Variants in SLC38A6 observed in about 807,000 individuals in gnomAD.
SLC38A6 encodes solute carrier family 38 member 6.
In SLC38A6, 73 loss-of-function variants were observed where a neutral mutation model predicts 65.0. The observed-to-expected ratio is 1.12, with a 90% CI of 0.93 to 1.37. The LOEUF (loss-of-function observed/expected upper bound fraction) is 1.37, where lower values mean the gene tolerates loss of function less well. Among genes scored for constraint, SLC38A6 ranks in the 40% most tolerant of loss-of-function variants. SLC38A6 has a pLI of 0.00. For missense variants in SLC38A6, 561 were observed against 531.1 expected, an observed-to-expected ratio of 1.06 and a Z score of -0.55; for synonymous variants, 183 against 178.8, an observed-to-expected ratio of 1.02 and a Z score of -0.19.
At chr14:61,055,021 T>C (rs910928794), downstream of SLC38A6, among the ~76,000 whole-genome samples, 1 of 151,958 alleles carries the variant, frequency 6.6e-6, no homozygotes, top group Admixed American at 6.6e-5. Flanking sequence ...TCTTATTATT[T>C]TGAGGTATGT....
chr14:61,051,993 C>T (rs1318931221), intron 14 of SLC38A6, 48 bp from the exon 15 acceptor site: 2 of 1,601,398 alleles, frequency 1.2e-6, no homozygotes, highest in Non-Finnish European at 1.7e-6. Context: ...CCCAGCCTCA[C>T]ATCTGAATCC....
intron 3 of SLC38A6, among the ~76,000 whole-genome samples, chr14:60,995,773 A>G (rs978653026): frequency 1.3e-5 from 2 of 152,180 alleles, no homozygotes; most frequent in African/African-American, 4.8e-5. Flanking sequence ...AAACAAAAAA[A>G]TCTGAAAAGG....
chr14:61,013,856 T>C (rs1341159602), intron 3 of SLC38A6, among the ~76,000 whole-genome samples: 1 of 152,190 alleles, frequency 6.6e-6, no homozygotes, highest in East Asian at 1.9e-4. Flanking sequence ...CTGACAATTA[T>C]ATGTTTTGGA....
chr14:61,009,216 G>C (rs2039368563), intron 3 of SLC38A6, among the ~76,000 whole-genome samples: 1 of 152,222 alleles, frequency 6.6e-6, no homozygotes, highest in African/African-American at 2.4e-5. Context: ...GAATGCCTAA[G>C]ATCACAAATT....
chr14:61,050,372 T>C, intron 12 of SLC38A6, 140 bp from the exon 13 acceptor site: 1 of 463,460 alleles, frequency 2.2e-6, no homozygotes, highest in South Asian at 9.2e-5. Flanking sequence ...TGTCTCTGTG[T>C]TTCATAGGCT....
chr14:61,061,518 C>T (rs530728734), intron 15 of SLC38A6, among the ~76,000 whole-genome samples: 1 of 152,144 alleles, frequency 6.6e-6, no homozygotes, highest in Admixed American at 6.5e-5. Context: ...AGTACCTGCT[C>T]GTCTTTGTAC....
chr14:61,024,047 A>G (rs1324704185), intron 5 of SLC38A6, among the ~76,000 whole-genome samples: 2 of 152,182 alleles, frequency 1.3e-5, no homozygotes, highest in African/African-American at 4.8e-5. Context: ...CCAGGAAGAG[A>G]AAGCCCAGTA....
chr14:61,034,361 GTTTTATTTTATTAC>G (rs1192094799), intron 6 of SLC38A6: 120 of 151,754 alleles, frequency 7.9e-4, no homozygotes, highest in Middle Eastern at 3.4e-3. Flanking sequence ...ATAATTTTTT[GTTTTATTTTATTAC>G]GGTAAGAACA....
Position 61,052,026 on chromosome 14 carries a change from C to T in SLC38A6, c.1196-15C>T. The T allele has an allele frequency of 6.3e-7, 1 of 1,595,940 alleles. No individual in the cohort carries two copies. On this transcript the variant is annotated splice_polypyrimidine_tract_variant and intron_variant, in intron 14 of 15. Coordinates refer to ENST00000267488, the MANE Select transcript of SLC38A6 (RefSeq NM_153811.3). The stretch of plus-strand genomic sequence containing the variant: ...TCCAGCAATATCCTCTCTTTTTTTT[C>T]CCTCCACTTTAAAGGTGCCAGTACA...
intron 3 of SLC38A6, among the ~76,000 whole-genome samples, chr14:61,010,331 C>T (rs1183497741): frequency 6.6e-6 from 1 of 152,090 alleles, no homozygotes; most frequent in South Asian, 2.1e-4. Flanking sequence ...TGTAGGTTGC[C>T]TGTTCACTCT....
intron 13 of SLC38A6, 75 bp from the exon 14 acceptor site, chr14:61,051,711 TG>T: frequency 6.5e-7 from 1 of 1,527,670 alleles, no homozygotes; most frequent in Non-Finnish European, 8.9e-7. Flanking sequence ...TCATGGTTGT[TG>T]TATATGTTTC....
intron 15 of SLC38A6, among the ~76,000 whole-genome samples, chr14:61,066,563 A>G (rs1236192082): frequency 6.6e-6 from 1 of 152,080 alleles, no homozygotes; most frequent in Non-Finnish European, 1.5e-5. Context: ...GTAATATGGG[A>G]TGCTATAAAG....
intron 13 of SLC38A6, 97 bp downstream of exon 13, chr14:61,050,733 T>G: frequency 9.2e-7 from 1 of 1,089,054 alleles, no homozygotes; most frequent in Non-Finnish European, 1.2e-6. Context: ...TCACATCTAG[T>G]CTTGTATATC....
intron 15 of SLC38A6, among the ~76,000 whole-genome samples, chr14:61,075,711 G>T (rs986225434): frequency 1.3e-5 from 2 of 150,990 alleles, no homozygotes; most frequent in Middle Eastern, 6.8e-3. Context: ...ATCTTGCTAG[G>T]TTCTCTGTAA....
At chr14:61,072,581 T>C (rs140406488) in intron 15 of SLC38A6, among the ~76,000 whole-genome samples, 82 of 152,372 alleles carry the variant, frequency 5.4e-4, no homozygotes, top group Non-Finnish European at 9.4e-4. Context: ...TGTCCATGAA[T>C]TCAACTGTTT....
chr14:61,061,148 C>A (rs927012592), intron 15 of SLC38A6, among the ~76,000 whole-genome samples: 15 of 152,144 alleles, frequency 9.9e-5, no homozygotes, highest in Admixed American at 2.0e-4. Flanking sequence ...GCTCCTCCCC[C>A]AAGTGTTGAA....
At chr14:60,991,238 G>A (rs2037858566) in intron 3 of SLC38A6, among the ~76,000 whole-genome samples, 1 of 152,092 alleles carries the variant, frequency 6.6e-6, no homozygotes, top group Admixed American at 6.6e-5. Context: ...TCCAACACAA[G>A]TCTTCTGCCC....
chr14:61,063,369 T>G (rs551594561), intron 15 of SLC38A6, among the ~76,000 whole-genome samples: 34 of 152,338 alleles, frequency 2.2e-4, no homozygotes, highest in African/African-American at 8.2e-4. Flanking sequence ...TCTTAGTTGG[T>G]CACTAAAACA....
intron 16 of SLC38A6, among the ~76,000 whole-genome samples, chr14:61,082,162 G>A (rs77475099): frequency 0.056 from 8,459 of 152,054 alleles, 304 homozygotes; most frequent in South Asian, 0.11. Context: ...TAGCACCCCC[G>A]CACCACCCTC....
Sources: allele counts gnomAD v4.1 joint callset (sites outside exome capture counted in the v4.1 genomes callset), GRCh38; gene constraint gnomAD v4.1.1; transcripts MANE v1.5; gene names NCBI Gene and HGNC (gene_info 2026-07-23, HGNC 2026-07-21).